ZNF423: variants seen among roughly 807,000 people sequenced by gnomAD.
ZNF423 encodes Ebf-associated zinc finger protein.
Under a neutral mutation model 95.8 loss-of-function variants are expected in ZNF423, and 12 were observed. The observed-to-expected ratio is 0.13, with a 90% CI of 0.08 to 0.20. ZNF423 has a LOEUF of 0.20. Among genes scored for constraint, ZNF423 ranks in the 10% least tolerant of loss-of-function variants. The pLI, the probability that ZNF423 is intolerant of heterozygous loss-of-function variation, is 1.00. For synonymous variants in ZNF423, 749 were observed against 711.9 expected (o/e 1.05, Z -0.83); for missense variants, 1,316 against 1,737.1 (o/e 0.76, Z 4.31).
intron 2 of ZNF423, among the ~76,000 whole-genome samples, chr16:49,761,064 A>G (rs2033823625): frequency 6.6e-6 from 1 of 151,466 alleles, no homozygotes; most frequent in Non-Finnish European, 1.5e-5. Context: ...ACACACACAC[A>G]CATGCACACA....
At chr16:49,706,958 A>G (rs1314844643) in intron 3 of ZNF423, among the ~76,000 whole-genome samples, 1 of 152,204 alleles carries the variant, frequency 6.6e-6, no homozygotes, top group Non-Finnish European at 1.5e-5. Flanking sequence ...ACACCTGCCC[A>G]TGCTATCCAC....
intron 2 of ZNF423, among the ~76,000 whole-genome samples, chr16:49,745,613 C>T (rs1271309990): frequency 2.0e-5 from 3 of 152,192 alleles, no homozygotes; most frequent in Admixed American, 1.3e-4. Context: ...CACTCGAGCG[C>T]GACGTGGTCT....
chr16:49,509,683 C>T (rs538303333), intron 7 of ZNF423, among the ~76,000 whole-genome samples: 1 of 152,246 alleles, frequency 6.6e-6, no homozygotes, highest in African/African-American at 2.4e-5. Flanking sequence ...AGACCCCAGC[C>T]TCCTGATGCA....
At chr16:49,803,594 A>C (rs1022522043) in intron 1 of ZNF423, among the ~76,000 whole-genome samples, 1 of 152,168 alleles carries the variant, frequency 6.6e-6, no homozygotes, top group Non-Finnish European at 1.5e-5. Context: ...AGGTAGCATG[A>C]GAGAGATGAG....
intron 2 of ZNF423, among the ~76,000 whole-genome samples, chr16:49,759,690 G>A (rs890366814): frequency 2.0e-5 from 3 of 152,196 alleles, no homozygotes; most frequent in Non-Finnish European, 2.9e-5. Context: ...TAACCCCTGT[G>A]ACAGCTTAGA....
intron 2 of ZNF423, among the ~76,000 whole-genome samples, chr16:49,735,469 C>G (rs1480431159): frequency 6.6e-6 from 1 of 152,198 alleles, no homozygotes; most frequent in Non-Finnish European, 1.5e-5. Context: ...CAATATCTCC[C>G]ACCCCACCTG....
At chr16:49,511,770 GTGATGA>G (rs139940431) in intron 7 of ZNF423, among the ~76,000 whole-genome samples, 2 of 152,072 alleles carry the variant, frequency 1.3e-5, no homozygotes, top group Non-Finnish European at 2.9e-5. Flanking sequence ...AATGACAACA[GTGATGA>G]TGATGATGAT....
intron 5 of ZNF423, among the ~76,000 whole-genome samples, chr16:49,604,755 C>T (rs1971480875): frequency 6.6e-6 from 1 of 152,146 alleles, no homozygotes; most frequent in South Asian, 2.1e-4. Context: ...TTTTGCATTG[C>T]TCTGCCCCTG....
At chr16:49,597,314 T>C (rs1012997592) in intron 5 of ZNF423, among the ~76,000 whole-genome samples, 21 of 152,174 alleles carry the variant, frequency 1.4e-4, no homozygotes, top group Non-Finnish European at 2.9e-5. Flanking sequence ...ACTAGCCACA[T>C]GTGACTACTG....
At chr16:49,802,586 G>A (rs1478818701) in intron 1 of ZNF423, among the ~76,000 whole-genome samples, 2 of 152,212 alleles carry the variant, frequency 1.3e-5, no homozygotes, top group Non-Finnish European at 2.9e-5. Context: ...AGTGTCACAG[G>A]AGGAGGAGGA....
intron 1 of ZNF423, among the ~76,000 whole-genome samples, chr16:49,816,827 T>C (rs2143998852): frequency 6.6e-6 from 1 of 152,154 alleles, no homozygotes; most frequent in Middle Eastern, 3.4e-3. Flanking sequence ...AATGTCTTAG[T>C]CTAGAGGAGA....
At chr16:49,716,263 G>T (rs1193432114) in intron 3 of ZNF423, among the ~76,000 whole-genome samples, 1 of 152,010 alleles carries the variant, frequency 6.6e-6, no homozygotes, top group Non-Finnish European at 1.5e-5. Context: ...CCAACCCTCA[G>T]AGGGGTCAGA....
At chr16:49,781,317 C>T (rs1021775532) in intron 2 of ZNF423, among the ~76,000 whole-genome samples, 1 of 152,128 alleles carries the variant, frequency 6.6e-6, no homozygotes, top group Admixed American at 6.5e-5. Flanking sequence ...AGGGGAGAGG[C>T]GGAGAATAAC....
At chr16:49,672,766 C>T (rs770497096) in intron 3 of ZNF423, among the ~76,000 whole-genome samples, 1 of 152,066 alleles carries the variant, frequency 6.6e-6, no homozygotes, top group Non-Finnish European at 1.5e-5. Flanking sequence ...TGCACTGAGC[C>T]GAGATCGCGT....
chr16:49,726,180 G>C lies in ZNF423; in HGVS notation c.301+4591C>G, dbSNP rs73573367. On this transcript the variant is annotated intron_variant, in intron 3 of 7. Transcript: ENST00000563137. ...CACTCTGAGGAACAGCACTAGGAAA[G>C]TCAGGTCTCAAGCATGACAGCGCAG... Among the ~76,000 whole-genome samples the C allele has an allele frequency of 3.1e-3, 474 of 152,280 alleles. 1 individual carries two copies. The highest frequency in any genetic ancestry group is 0.011 in the African/African-American group (453 of 41,558).
intron 1 of ZNF423, among the ~76,000 whole-genome samples, chr16:49,822,346 G>A (rs2034954860): frequency 6.6e-6 from 1 of 151,982 alleles, no homozygotes; most frequent in Non-Finnish European, 1.5e-5. Context: ...GCTAATTTTT[G>A]TGTTTTTAGT....
At chr16:49,797,990 G>A (rs1260160089) in intron 1 of ZNF423, among the ~76,000 whole-genome samples, 2 of 152,184 alleles carry the variant, frequency 1.3e-5, no homozygotes, top group Non-Finnish European at 2.9e-5. Flanking sequence ...CAGGACGATT[G>A]CTTGAGCCAA....
chr16:49,612,568 T>C (rs1971762405), intron 5 of ZNF423, among the ~76,000 whole-genome samples: 1 of 152,148 alleles, frequency 6.6e-6, no homozygotes, highest in Non-Finnish European at 1.5e-5. Context: ...ATAGCTGTTA[T>C]TTTACTTAAT....
At chr16:49,759,940 C>T (rs1242198071) in intron 2 of ZNF423, among the ~76,000 whole-genome samples, 1 of 143,450 alleles carries the variant, frequency 7.0e-6, no homozygotes, top group Non-Finnish European at 1.5e-5. Flanking sequence ...GGGCCAGGAT[C>T]ACTTTAGACT....
Sources: gnomAD v4.1 joint callset for allele counts (sites outside exome capture counted in the v4.1 genomes callset) on GRCh38, gnomAD v4.1.1 for gene constraint, MANE v1.5 for transcripts, NCBI Gene and HGNC (gene_info 2026-07-23, HGNC 2026-07-21) for gene names.